Variants in FIP1L1 observed in about 807,000 individuals in gnomAD.
The protein encoded by FIP1L1 is pre-mRNA 3'-end-processing factor FIP1.
A neutral mutation model predicts 84.6 loss-of-function variants in FIP1L1; 21 were observed. That is an observed-to-expected ratio of 0.25 (90% CI 0.18 to 0.36). The LOEUF is 0.36. FIP1L1 is among the 10% of genes least tolerant of loss of function. FIP1L1 has a pLI of 1.00. For synonymous variants in FIP1L1, 263 were observed against 242.3 expected (o/e 1.09, Z -0.80); for missense variants, 526 against 751.1 (o/e 0.70, Z 3.50).
rs1440935801 is a variant in FIP1L1 at position 53,459,647 on chromosome 4, TAA to T, written c.*202_*203del. 9 of 698,274 alleles carry T rather than the reference TAA, an allele frequency of 1.3e-5. No homozygotes were observed. In the East Asian group the frequency reaches 1.7e-4, roughly 13 times the overall value. 43.3% of individuals were successfully genotyped at this position (698,274 alleles called of 1,614,324 possible). ...TCTTTGTCTTGTACTATTTCAAAAA[TAA>T]AAAGACAGCAATGACTTTATATCCA... is the stretch of plus-strand genomic sequence containing the variant. On this transcript the variant is annotated 3_prime_UTR_variant, in exon 18 of 18. Transcript: ENST00000337488.
chr4:53,432,053 G>A (rs553181442), intron 13 of FIP1L1, among the ~76,000 whole-genome samples: 9 of 152,190 alleles, frequency 5.9e-5, no homozygotes, highest in African/African-American at 2.2e-4. Flanking sequence ...GTCTGGAAGT[G>A]CAAAAGCATT....
At chr4:53,445,052 T>A (rs1488795953) in intron 15 of FIP1L1, among the ~76,000 whole-genome samples, 1 of 151,908 alleles carries the variant, frequency 6.6e-6, no homozygotes, top group African/African-American at 2.4e-5. Context: ...TATTCAGAGA[T>A]AAAGGAGTGA....
At chr4:53,418,749 T>C (rs888982021) in intron 11 of FIP1L1, among the ~76,000 whole-genome samples, 2 of 152,244 alleles carry the variant, frequency 1.3e-5, no homozygotes, top group Non-Finnish European at 2.9e-5. Context: ...CTTGAATGAA[T>C]AGTAAAAATT....
intron 10 of FIP1L1, among the ~76,000 whole-genome samples, chr4:53,414,113 AAG>A (rs964935226): frequency 2.0e-5 from 3 of 152,116 alleles, no homozygotes; most frequent in African/African-American, 7.2e-5. Flanking sequence ...TTTACTTTGA[AAG>A]AGTTATTTTG....
chr4:53,428,160 C>T lies in FIP1L1; in HGVS notation c.1151C>T (p.Ala384Val), dbSNP rs765221890. ...CCACCTCCTCCGACTGTCAGCACTG[C>T]TCCACCTCTGATTCCACCACCGGGT... ...FLPPPPTVST[A>V]PPLIPPPGFP... Residue 384 changes from alanine to valine, a missense_variant, in exon 13 of 18, where the codon GCT (alanine) becomes GTT (valine). By Grantham distance (64) the Ala-to-Val change is moderately conservative (BLOSUM62 0). Transcript: ENST00000337488. The T allele has an allele frequency of 1.9e-6, 3 of 1,592,036 alleles. No homozygotes were observed. Among genetic ancestry groups the T allele is most frequent in the Non-Finnish European group, 1.7e-6 (2 of 1,165,724 alleles).
chr4:53,418,281 C>CTAAATAAATAAA (rs34196016), intron 11 of FIP1L1, among the ~76,000 whole-genome samples: 1 of 151,516 alleles, frequency 6.6e-6, no homozygotes, highest in African/African-American at 2.4e-5. Context: ...AACCTGGTCT[C>CTAAATAAATAAA]TAAATAAATA....
rs1345788250 is a variant in FIP1L1, at chr4:53,459,748, C to G, written c.*299C>G. The G allele has an allele frequency of 1.1e-5, 4 of 352,896 alleles. No homozygotes were observed. Among genetic ancestry groups the G allele is most frequent in the Non-Finnish European group, 1.6e-5 (3 of 192,600 alleles). 21.9% of individuals were successfully genotyped at this position (352,896 alleles called of 1,614,324 possible). A position where few individuals can be genotyped will look rare whatever the true frequency, so the allele number is the denominator to read the frequency against. ...TTAGCTGTGTACATACACAGATTAT[C>G]TGAGAAAAGGTCAAGGGTTCCACTT... On this transcript the variant is annotated 3_prime_UTR_variant, in exon 18 of 18. Coordinates refer to ENST00000337488, the MANE Select transcript of FIP1L1 (RefSeq NM_030917.4).
At chr4:53,408,844 G>GCA (rs1553915084) in intron 10 of FIP1L1, among the ~76,000 whole-genome samples, 26 of 152,164 alleles carry the variant, frequency 1.7e-4, no homozygotes, top group African/African-American at 3.4e-4. Flanking sequence ...TTTCAGCTCT[G>GCA]TCAGCTCCTT....
At chr4:53,450,202 C>T (rs1464852616) in intron 15 of FIP1L1, among the ~76,000 whole-genome samples, 2 of 152,088 alleles carry the variant, frequency 1.3e-5, no homozygotes, top group Non-Finnish European at 2.9e-5. Context: ...TCTTCTGGAA[C>T]AACTTGTATC....
At chr4:53,439,385 T>C (rs1560569238) in intron 13 of FIP1L1, among the ~76,000 whole-genome samples, 1 of 152,104 alleles carries the variant, frequency 6.6e-6, no homozygotes, top group Non-Finnish European at 1.5e-5. Flanking sequence ...TTTTATTGTA[T>C]GGGTGGTTAA....
At chr4:53,387,815 G>A (rs1741934118) in intron 5 of FIP1L1, among the ~76,000 whole-genome samples, 1 of 152,186 alleles carries the variant, frequency 6.6e-6, no homozygotes, top group African/African-American at 2.4e-5. Flanking sequence ...TACATCATAT[G>A]TAGATACCGC....
chr4:53,412,866 T>C (rs1424336359), intron 10 of FIP1L1, among the ~76,000 whole-genome samples: 2 of 152,252 alleles, frequency 1.3e-5, no homozygotes, highest in African/African-American at 2.4e-5. Flanking sequence ...TAGTCAGTTA[T>C]TACTGTAATG....
rs1721433770 is a variant in FIP1L1 at position 53,459,735 on chromosome 4, A to G, written c.*286A>G. On this transcript the variant is annotated 3_prime_UTR_variant, in exon 18 of 18. Transcript: ENST00000337488. ...CTAAAGAGCTGTGTTAGCTGTGTACATACACAGATTATCTGAGAAAAGGTC... is the reference window on the plus strand; with the variant it reads ...CTAAAGAGCTGTGTTAGCTGTGTACGTACACAGATTATCTGAGAAAAGGTC... 3 of 385,866 alleles carry G rather than the reference A, an allele frequency of 7.8e-6. No homozygotes were observed. Among genetic ancestry groups the G allele is most frequent in the Admixed American group, 4.3e-5 (1 of 23,250 alleles). 23.9% of individuals were successfully genotyped at this position (385,866 alleles called of 1,614,324 possible). A position where few individuals can be genotyped will look rare whatever the true frequency, so the allele number is the denominator to read the frequency against.
intron 10 of FIP1L1, among the ~76,000 whole-genome samples, chr4:53,407,815 A>G (rs534770877): frequency 8.3e-4 from 125 of 151,380 alleles, no homozygotes; most frequent in Non-Finnish European, 1.1e-3. Flanking sequence ...TAGGACTGCA[A>G]CCCCTGCCTT....
chr4:53,430,648 A>G (rs1476867538), intron 13 of FIP1L1, among the ~76,000 whole-genome samples: 3 of 151,936 alleles, frequency 2.0e-5, no homozygotes, highest in African/African-American at 7.3e-5. Context: ...TTTCTTTTTC[A>G]TGTAACCTTT....
At chr4:53,447,441 A>G (rs184446610) in intron 15 of FIP1L1, among the ~76,000 whole-genome samples, 3 of 152,020 alleles carry the variant, frequency 2.0e-5, no homozygotes, top group African/African-American at 7.2e-5. Context: ...TTCTTTCTCC[A>G]CCACCTAGCT....
At chr4:53,424,459 A>G (rs1217543898) in intron 11 of FIP1L1, among the ~76,000 whole-genome samples, 1 of 152,174 alleles carries the variant, frequency 6.6e-6, no homozygotes, top group South Asian at 2.1e-4. Context: ...GAAATCATTC[A>G]TGATCTTTGG....
At position 53,428,137 on chromosome 4, in the gene FIP1L1, A is replaced by G; in HGVS notation, c.1128A>G (p.Pro376=). 1.2e-6 allele frequency: 2 copies of G among 1,605,900 alleles called. No homozygotes were observed. Among genetic ancestry groups the G allele is most frequent in the African/African-American group, 1.3e-5 (1 of 74,860 alleles). The change falls in exon 13 of 18, where the codon CCA becomes CCG. Residue 376 remains proline (P), a synonymous_variant. Transcript: ENST00000337488. ...ACCTTCCACCTCCTCCATTTCTTCCACCTCCTCCGACTGTCAGCACTGCTC... is the reference window on the plus strand; with the variant it reads ...ACCTTCCACCTCCTCCATTTCTTCCGCCTCCTCCGACTGTCAGCACTGCTC... ...PTHLPPPPFL[P]PPPTVSTAPP... is the part of the protein sequence containing the mutation.
Position 53,399,820 on chromosome 4 carries a change from A to T in FIP1L1, c.796A>T (p.Thr266Ser). 6.2e-7 allele frequency: 1 copy of T among 1,612,938 alleles called. No individual in the cohort carries two copies. Among genetic ancestry groups the T allele is most frequent in the Non-Finnish European group, 8.5e-7 (1 of 1,179,130 alleles). ...TACTTCTCCTCCTTCTTTGTTCAAG[A>T]CTGGGCTTCCACCGAGCAGGTTAGT... ...EFTSPPSLFKTGLPPSRNSTS... is the reference protein window; with the variant it reads ...EFTSPPSLFKSGLPPSRNSTS... The change falls in exon 10 of 18, where the codon ACT (threonine) becomes TCT (serine). Residue 266 changes from threonine (T) to serine (S), a missense_variant. Around this residue, in one of 6 missense-constraint regions of FIP1L1, gnomAD observed 169 missense variants for 206.9 expected, o/e 0.82. Coordinates refer to ENST00000337488, the MANE Select transcript of FIP1L1 (RefSeq NM_030917.4).
Sources: gnomAD v4.1 joint callset for allele counts (sites outside exome capture counted in the v4.1 genomes callset) on GRCh38, gnomAD v4.1.1 for gene constraint, gnomAD v4.1.1 regional missense constraint, MANE v1.5 for transcripts, NCBI Gene and HGNC (gene_info 2026-07-23, HGNC 2026-07-21) for gene names.